The following CMBL variants were observed in gnomAD, a reference collection of about 807,000 sequenced individuals.
CMBL encodes carboxymethylenebutenolidase homolog, also known as carboxymethylenebutenolidase homolog (Pseudomonas).
Under a neutral mutation model 28.7 loss-of-function variants are expected in CMBL, and 17 were observed. The observed-to-expected ratio is 0.59, with a 90% CI of 0.41 to 0.89. The LOEUF is 0.89. CMBL is among the 40% of genes least tolerant of loss of function. The pLI, the probability that CMBL is intolerant of heterozygous loss-of-function variation, is 0.00. For synonymous variants in CMBL, 106 were observed against 101.6 expected (o/e 1.04, Z -0.26); for missense variants, 310 against 298.5 (o/e 1.04, Z -0.28).
At chr5:10,280,907 G>A (rs969081519) in intron 5 of CMBL, among the ~76,000 whole-genome samples, 4 of 152,292 alleles carry the variant, frequency 2.6e-5, no homozygotes, top group East Asian at 3.9e-4. Context: ...CGGAGAAGCC[G>A]GGATGACAGG....
At position 10,285,694 on chromosome 5, in the gene CMBL, C is replaced by CTTTTTTTTTT. The variant is rs1252497762; in HGVS notation, c.466+659_466+660insAAAAAAAAAA. ...AGTCTTTCTTTCTTTCTTTCTCTTT[C>CTTTTTTTTTT]TTTTTCTTTTTTTTTTTTTTTGAGA... On this transcript the variant is annotated intron_variant, in intron 4 of 5. Transcript: ENST00000296658. 4.6e-5 allele frequency among the ~76,000 whole-genome samples: 4 copies of CTTTTTTTTTT among 87,386 alleles called. 1 individual carries two copies. The highest frequency in any genetic ancestry group is 1.3e-4 in the African/African-American group (4 of 31,794). The allele number at this position is 87,386 out of a possible 152,430, so 57.3% of individuals were successfully genotyped here.
At chr5:10,286,637 T>G in intron 3 of CMBL, 141 bp from the exon 4 acceptor site, 1 of 659,178 alleles carries the variant, frequency 1.5e-6, no homozygotes, top group Non-Finnish European at 2.5e-6. Context: ...CCACCCTTAC[T>G]ACCTCTGGCC....
rs1157589973 is a variant in CMBL at position 10,279,039 on chromosome 5, C to T, written c.*1414G>A. Among the ~76,000 whole-genome samples the T allele has an allele frequency of 1.3e-5, 2 of 152,228 alleles. No homozygotes were observed. Among genetic ancestry groups the T allele is most frequent in the East Asian group, 3.8e-4 (2 of 5,198 alleles). ...CAAGACAAAATTAGGAAAAAAACTA[C>T]AACATCAAGTCACTTGCCCAAAGTC... is the stretch of plus-strand genomic sequence containing the variant. On this transcript the variant is annotated 3_prime_UTR_variant, in exon 6 of 6. Transcript: ENST00000296658.
intron 2 of CMBL, among the ~76,000 whole-genome samples, chr5:10,288,788 G>A (rs1243020969): frequency 5.9e-5 from 9 of 152,208 alleles, no homozygotes; most frequent in Admixed American, 5.2e-4. Context: ...TATCCACAGG[G>A]CACACTCCCA....
intron 1 of CMBL, among the ~76,000 whole-genome samples, chr5:10,306,701 C>G (rs1747007125): frequency 6.6e-6 from 1 of 152,180 alleles, no homozygotes; most frequent in South Asian, 2.1e-4. Context: ...GATGATTCTA[C>G]AAACATCAAA....
At chr5:10,304,391 A>G (rs191095944) in intron 1 of CMBL, among the ~76,000 whole-genome samples, 41 of 152,206 alleles carry the variant, frequency 2.7e-4, no homozygotes, top group East Asian at 1.9e-3. Flanking sequence ...CTAATCCATT[A>G]TTTTAAAAAT....
At chr5:10,297,133 C>T (rs924305509) in intron 1 of CMBL, among the ~76,000 whole-genome samples, 1 of 147,946 alleles carries the variant, frequency 6.8e-6, no homozygotes, top group African/African-American at 2.5e-5. Context: ...TGCAGTGAAC[C>T]GAGATCACGC....
intron 1 of CMBL, among the ~76,000 whole-genome samples, chr5:10,305,410 G>A (rs1746983737): frequency 6.6e-6 from 1 of 151,722 alleles, no homozygotes; most frequent in South Asian, 2.1e-4. Flanking sequence ...GTTTTGATGT[G>A]TAATTTTCCA....
At chr5:10,294,450 G>T (rs768437470) in intron 1 of CMBL, among the ~76,000 whole-genome samples, 1 of 152,042 alleles carries the variant, frequency 6.6e-6, no homozygotes, top group Non-Finnish European at 1.5e-5. Flanking sequence ...TGTATTCCCA[G>T]CTACTCAGGA....
chr5:10,290,786 GGAGA>G lies in CMBL; in HGVS notation c.-19-9_-19-6del. ...ATTGCAGAGATTTAAGTCGGGCTAT[GGAGA>G]GAGAAACATGCGTTATATTCTGAAT... On this transcript the variant is annotated splice_polypyrimidine_tract_variant and splice_region_variant and intron_variant, in intron 1 of 5. Transcript: ENST00000296658. 6.3e-7 allele frequency: 1 copy of G among 1,596,810 alleles called. No individual in the cohort carries two copies. The highest frequency in any genetic ancestry group is 8.6e-7 in the Non-Finnish European group (1 of 1,164,404).
rs1746699486 is a variant in CMBL at position 10,290,774 on chromosome 5, A to C, written c.-12T>G. 1 of 1,611,186 alleles carries C rather than the reference A, an allele frequency of 6.2e-7. No individual in the cohort carries two copies. The highest frequency in any genetic ancestry group is 1.7e-5 in the Admixed American group (1 of 59,986). ...GCTTCGTTAGCCATTGCAGAGATTT[A>C]AGTCGGGCTATGGAGAGAGAAACAT... is the stretch of plus-strand genomic sequence containing the variant. On this transcript the variant is annotated 5_prime_UTR_variant, in exon 2 of 6. Transcript: ENST00000296658.
At chr5:10,292,826 CAAA>C (rs34798121) in intron 1 of CMBL, among the ~76,000 whole-genome samples, 1 of 107,250 alleles carries the variant, frequency 9.3e-6, no homozygotes, top group Non-Finnish European at 1.8e-5. Context: ...CTCTGTCTCA[CAAA>C]AAAAAAAAAA....
intron 1 of CMBL, among the ~76,000 whole-genome samples, chr5:10,293,481 T>C (rs1228380303): frequency 6.6e-6 from 1 of 152,160 alleles, no homozygotes; most frequent in Non-Finnish European, 1.5e-5. Context: ...CCCTCAGACC[T>C]AATCATTTTC....
chr5:10,297,184 CAAA>C (rs34069848), intron 1 of CMBL, among the ~76,000 whole-genome samples: 15 of 141,068 alleles, frequency 1.1e-4, no homozygotes, highest in African/African-American at 2.7e-4. Flanking sequence ...GACTCCATCT[CAAA>C]AAAAAAAAAG....
intron 1 of CMBL, among the ~76,000 whole-genome samples, chr5:10,299,430 G>A (rs1387877354): frequency 6.6e-6 from 1 of 152,180 alleles, no homozygotes; most frequent in Non-Finnish European, 1.5e-5. Context: ...ACACTTGTAG[G>A]GAAATGGGAG....
intron 1 of CMBL, among the ~76,000 whole-genome samples, chr5:10,306,920 C>T (rs2126567899): frequency 6.6e-6 from 1 of 152,206 alleles, no homozygotes; most frequent in South Asian, 2.1e-4. Context: ...CGGATACCGG[C>T]GAGGCTCATT....
intron 5 of CMBL, among the ~76,000 whole-genome samples, chr5:10,281,272 C>T (rs758241701): frequency 6.6e-6 from 1 of 152,114 alleles, no homozygotes; most frequent in South Asian, 2.1e-4. Context: ...GGCTGGAGTG[C>T]GGTGGCACAA....
chr5:10,286,715 C>T (rs1746610962), intron 3 of CMBL, among the ~76,000 whole-genome samples: 1 of 152,198 alleles, frequency 6.6e-6, no homozygotes, highest in Non-Finnish European at 1.5e-5. Flanking sequence ...CTGACAGCTG[C>T]AGGCAAGCTG....
At position 10,290,682 on chromosome 5, in the gene CMBL, G is replaced by A. The variant is rs148288379; in HGVS notation, c.81C>T (p.Val27=). 6.8e-4 allele frequency: 1,104 copies of A among 1,614,056 alleles called. 1 individual carries two copies. Among genetic ancestry groups the A allele is most frequent in the Non-Finnish European group, 7.8e-4 (919 of 1,180,046 alleles). The stretch of plus-strand genomic sequence containing the variant: ...TGGTGACATAAGCCTTGATGTGCTC[G>A]ACTTGAACTTCACGGCCTAGCCCTC... The part of the protein sequence containing the change: ...EYGGLGREVQ[V]EHIKAYVTKS... The change falls in exon 2 of 6, where the codon GTC becomes GTT. Residue 27 remains valine (V), a synonymous_variant. Transcript: ENST00000296658.
Sources: gnomAD v4.1 joint callset for allele counts (sites outside exome capture counted in the v4.1 genomes callset) on GRCh38, gnomAD v4.1.1 for gene constraint, MANE v1.5 for transcripts, NCBI Gene and HGNC (gene_info 2026-07-23, HGNC 2026-07-21) for gene names.